Variants in PDZD8 observed in about 807,000 individuals in gnomAD.
PDZD8 encodes PDZ domain containing 8.
A neutral mutation model predicts 85.8 loss-of-function variants in PDZD8; 14 were observed. That is an observed-to-expected ratio of 0.16 (90% CI 0.11 to 0.26). PDZD8 has a LOEUF of 0.26. Among genes scored for constraint, PDZD8 ranks in the 10% least tolerant of loss-of-function variants. The pLI is 1.00. For synonymous variants in PDZD8, 592 were observed against 568.6 expected (o/e 1.04, Z -0.59); for missense variants, 1,197 against 1,424.3 (o/e 0.84, Z 2.57).
intron 3 of PDZD8, among the ~76,000 whole-genome samples, chr10:117,294,742 G>A (rs551152006): frequency 6.6e-6 from 1 of 152,262 alleles, no homozygotes; most frequent in Non-Finnish European, 1.5e-5. Context: ...ATTATGTTAA[G>A]TGAAATAAGC....
At position 117,315,605 on chromosome 10, in the gene PDZD8, A is replaced by C. The variant is rs1011098293; in HGVS notation, c.1098+3267T>G. Among the ~76,000 whole-genome samples, 14 of 151,362 alleles carry C rather than the reference A, an allele frequency of 9.2e-5. No individual in the cohort carries two copies. In the East Asian group the frequency reaches 1.4e-3, roughly 15 times the overall value. ...ACTCTCTCAAAAAAAAAAAAAAAAA[A>C]AAAAAAACAATAATCTATTTTGTGT... On this transcript the variant is annotated intron_variant, in intron 3 of 4. Transcript: ENST00000334464.
rs990409813 is a variant in PDZD8 at position 117,293,229 on chromosome 10, T to C, written c.1099-2881A>G. On this transcript the variant is annotated intron_variant, in intron 3 of 4. Coordinates refer to ENST00000334464, the MANE Select transcript of PDZD8 (RefSeq NM_173791.5). ...TAAAACTACTATTTTAAAACCAGAA[T>C]AGTACAATGATATATAATATATAAT... 3.9e-5 allele frequency among the ~76,000 whole-genome samples: 6 copies of C among 152,038 alleles called. No individual in the cohort carries two copies. In the East Asian group the frequency reaches 1.2e-3, roughly 29 times the overall value.
Position 117,375,201 on chromosome 10 carries a change from C to A in PDZD8, c.27G>T (p.Ala9=), listed in dbSNP as rs1385014316. 3 of 1,549,704 alleles carry A rather than the reference C, an allele frequency of 1.9e-6. No homozygotes were observed. The highest frequency in any genetic ancestry group is 3.8e-5 in the Admixed American group (2 of 52,528). MGLLLMIL[A]SAVLGSFLTL... ...TGAGGAAGGAACCCAGCACGGCCGA[C>A]GCCAGGATCATGAGCAGCAGCCCCA... Residue 9 remains alanine, a synonymous_variant, in exon 1 of 5, where the codon GCG becomes GCT. Transcript: ENST00000334464.
chr10:117,330,561 T>G (rs541594357), intron 2 of PDZD8, among the ~76,000 whole-genome samples: 2 of 152,296 alleles, frequency 1.3e-5, no homozygotes, highest in African/African-American at 4.8e-5. Flanking sequence ...CCCCTGCCTA[T>G]TAACTCATCC....
intron 1 of PDZD8, among the ~76,000 whole-genome samples, chr10:117,369,278 CCTCCTGA>C (rs753609346): frequency 2.5e-4 from 38 of 151,974 alleles, no homozygotes; most frequent in Non-Finnish European, 4.7e-4. Context: ...CCTGCCTCAG[CCTCCTGA>C]GTAACTGGAA....
intron 3 of PDZD8, among the ~76,000 whole-genome samples, chr10:117,315,162 G>T (rs1844101852): frequency 6.6e-6 from 1 of 152,168 alleles, no homozygotes; most frequent in African/African-American, 2.4e-5. Flanking sequence ...GAAGGATAGA[G>T]TTGGAATAGA....
chr10:117,310,901 G>T (rs757419541), intron 3 of PDZD8, among the ~76,000 whole-genome samples: 1 of 152,092 alleles, frequency 6.6e-6, no homozygotes, highest in Non-Finnish European at 1.5e-5. Flanking sequence ...CTGGCCTAAC[G>T]TATTTGTAAG....
At chr10:117,299,737 T>C (rs1282171676) in intron 3 of PDZD8, among the ~76,000 whole-genome samples, 1 of 152,140 alleles carries the variant, frequency 6.6e-6, no homozygotes, top group African/African-American at 2.4e-5. Flanking sequence ...TTTTTCTAAT[T>C]TCTTTTAGTT....
chr10:117,355,292 G>A (rs1450990261), intron 1 of PDZD8, among the ~76,000 whole-genome samples: 1 of 152,102 alleles, frequency 6.6e-6, no homozygotes, highest in Non-Finnish European at 1.5e-5. Flanking sequence ...CCTCCTGTCT[G>A]TAACCCGTCC....
intron 1 of PDZD8, among the ~76,000 whole-genome samples, chr10:117,354,167 A>G (rs563994272): frequency 1.3e-5 from 2 of 152,290 alleles, no homozygotes; most frequent in South Asian, 4.1e-4. Flanking sequence ...GGCCTGATTT[A>G]GGTTTTCATT....
In PDZD8 at chr10:117,374,217, TG is replaced by T; in HGVS notation, c.872+138del. Reference sequence around the variant, plus strand: ...CAAGTGTTCACGACTCGCCTTGATCTGGGGCCCTGTCCAGGGTGGGAAGGCC... The same window carrying T: ...CAAGTGTTCACGACTCGCCTTGATCTGGGCCCTGTCCAGGGTGGGAAGGCC... On this transcript the variant is annotated intron_variant, in intron 1 of 4. Transcript: ENST00000334464. The surrounding 1 kb of genome is among the most constrained non-coding windows in gnomAD (Gnocchi z 7.8). The T allele has an allele frequency of 7.5e-7, 1 of 1,333,412 alleles. No individual in the cohort carries two copies. Among genetic ancestry groups the T allele is most frequent in the South Asian group, 1.5e-5 (1 of 68,874 alleles). 82.6% of individuals were successfully genotyped at this position (1,333,412 alleles called of 1,614,324 possible). A position where few individuals can be genotyped will look rare whatever the true frequency, so the allele number is the denominator to read the frequency against.
intron 1 of PDZD8, among the ~76,000 whole-genome samples, chr10:117,369,523 G>A (rs1845153333): frequency 1.3e-5 from 2 of 152,006 alleles, no homozygotes; most frequent in Admixed American, 6.5e-5. Flanking sequence ...ATTAAAAGAA[G>A]GATAAAAATG....
Position 117,374,980 on chromosome 10 carries a change from G to C in PDZD8, c.248C>G (p.Ala83Gly). 1 of 1,598,484 alleles carries C rather than the reference G, an allele frequency of 6.3e-7. No individual in the cohort carries two copies. The highest frequency in any genetic ancestry group is 8.5e-7 in the Non-Finnish European group (1 of 1,173,098). Residue 83 changes from alanine (A) to glycine (G), a missense_variant, in exon 1 of 5, where the codon GCC (alanine) becomes GGC (glycine). Ala to Gly is a moderately conservative substitution (Grantham distance 60). This residue lies in a region of PDZD8 where 172 missense variants were observed against 137.8 expected (regional missense o/e 1.25). Coordinates refer to ENST00000334464, the MANE Select transcript of PDZD8 (RefSeq NM_173791.5). The surrounding 1 kb of genome is among the most constrained non-coding windows in gnomAD (Gnocchi z 7.8). The part of the protein sequence containing the change: ...APEGGATPTA[A>G]PETPAPPTRE... Reference sequence around the variant, plus strand: ...CGTCGGCGGGGCGGGGGTCTCGGGGGCCGCGGTGGGGGTCGCGCCGCCCTC... The same window carrying C: ...CGTCGGCGGGGCGGGGGTCTCGGGGCCCGCGGTGGGGGTCGCGCCGCCCTC...
rs1486586952 is a variant in PDZD8 at position 117,374,942 on chromosome 10, A to G, written c.286T>C (p.Tyr96His). 4 of 1,612,188 alleles carry G rather than the reference A, an allele frequency of 2.5e-6. No homozygotes were observed. Among genetic ancestry groups the G allele is most frequent in the Non-Finnish European group, 3.4e-6 (4 of 1,179,658 alleles). ...AATAGGATGGTGGCGTTGAGGAAGT[A>G]GCAAGTCTCCCGCGTCGGCGGGGCG... ...TPAPPTRETC[Y>H]FLNATILFLF... The change falls in exon 1 of 5, where the codon TAC (tyrosine) becomes CAC (histidine). Residue 96 changes from tyrosine to histidine, a missense_variant. This residue lies in a region of PDZD8 where 172 missense variants were observed against 137.8 expected (regional missense o/e 1.25). Coordinates refer to ENST00000334464, the MANE Select transcript of PDZD8 (RefSeq NM_173791.5). The surrounding 1 kb of genome is among the most constrained non-coding windows in gnomAD (Gnocchi z 7.8).
rs1307986340 is a variant in PDZD8 at position 117,283,222 on chromosome 10, A to T, written c.*46T>A. On this transcript the variant is annotated 3_prime_UTR_variant, in exon 5 of 5. Transcript: ENST00000334464. ...CATGGTTGTATCTGTGGTACTTTAG[A>T]TGCAACTTTACCCTGTTCATTTGAA... is the stretch of plus-strand genomic sequence containing the variant. 2 of 1,524,386 alleles carry T rather than the reference A, an allele frequency of 1.3e-6. No homozygotes were observed. The highest frequency in any genetic ancestry group is 1.8e-6 in the Non-Finnish European group (2 of 1,132,360). The allele number at this position is 1,524,386 out of a possible 1,614,324, so 94.4% of individuals were successfully genotyped here.
chr10:117,284,518 C>T lies in PDZD8; in HGVS notation c.2215G>A (p.Val739Met). 1 of 1,614,162 alleles carries T rather than the reference C, an allele frequency of 6.2e-7. No individual in the cohort carries two copies. Among genetic ancestry groups the T allele is most frequent in the Non-Finnish European group, 8.5e-7 (1 of 1,180,030 alleles). The stretch of plus-strand genomic sequence containing the variant: ...GATGTAGCTAGGCATCCTAAAGCCA[C>T]ATCTTCAAGTTTTAAACTAACATGC... ...LGHVSLKLED[V>M]ALGCLATSNT... is the part of the protein sequence containing the mutation. The change falls in exon 5 of 5, where the codon GTG becomes ATG. Residue 739 changes from valine to methionine, a missense_variant. Physicochemically the swap from Val to Met is conservative, Grantham distance 21. Transcript: ENST00000334464.
intron 1 of PDZD8, among the ~76,000 whole-genome samples, chr10:117,343,806 CGGT>C (rs1308733148): frequency 6.6e-6 from 1 of 152,102 alleles, no homozygotes; most frequent in Non-Finnish European, 1.5e-5. Flanking sequence ...ATATACTAAA[CGGT>C]GGGATAAAGC....
chr10:117,277,970 G>A lies in PDZD8; in HGVS notation c.*5298C>T, dbSNP rs1383392413. 1 of 152,178 alleles carries A rather than the reference G, an allele frequency of 6.6e-6. No individual in the cohort carries two copies. The highest frequency in any genetic ancestry group is 2.4e-5 in the African/African-American group (1 of 41,444). The allele number at this position is 152,178 out of a possible 1,614,324, so 9.4% of individuals were successfully genotyped here. On this transcript the variant is annotated 3_prime_UTR_variant, in exon 5 of 5. Coordinates refer to ENST00000334464, the MANE Select transcript of PDZD8 (RefSeq NM_173791.5). ...AGCCAATAAAGGAAAAACAGTAAAT[G>A]TTCCGAAAGCAGAGAAAAGCAACCA...
At chr10:117,325,404 C>CT (rs71013659) in intron 2 of PDZD8, among the ~76,000 whole-genome samples, 26,123 of 99,878 alleles carry the variant, frequency 0.26, 4,940 homozygotes, top group East Asian at 0.57. Flanking sequence ...GAAAAGCCAA[C>CT]TTTTTTTTTT....
Sources: gnomAD v4.1 joint callset for allele counts (sites outside exome capture counted in the v4.1 genomes callset) on GRCh38, gnomAD v4.1.1 for gene constraint, gnomAD v4.1.1 regional missense constraint, Gnocchi (gnomAD v3.1) non-coding constraint, MANE v1.5 for transcripts, NCBI Gene and HGNC (gene_info 2026-07-23, HGNC 2026-07-21) for gene names.